The following DGKB variants were observed in gnomAD, a reference collection of about 807,000 sequenced individuals.
DGKB encodes 90 kDa diacylglycerol kinase.
In DGKB, 67 loss-of-function variants were observed where a neutral mutation model predicts 114.3. That is an observed-to-expected ratio of 0.59 (90% CI 0.48 to 0.72). The LOEUF (loss-of-function observed/expected upper bound fraction) is 0.72, where lower values mean the gene tolerates loss of function less well. DGKB is among the 30% of genes least tolerant of loss of function. The pLI is 0.00. For synonymous variants in DGKB, 398 were observed against 323.1 expected, an observed-to-expected ratio of 1.23 and a Z score of -2.49; for missense variants, 907 against 975.2, an observed-to-expected ratio of 0.93 and a Z score of 0.93.
At position 14,228,869 on chromosome 7, in the gene DGKB, G is replaced by C. The variant is rs1166972901; in HGVS notation, c.2123-50718C>G. 4.4e-5 allele frequency among the ~76,000 whole-genome samples: 5 copies of C among 114,672 alleles called. No homozygotes were observed. The South Asian group carries it at 7.9e-4, about 18-fold the overall frequency. The allele number at this position is 114,672 out of a possible 152,430, so 75.2% of individuals were successfully genotyped here. On this transcript the variant is annotated intron_variant, in intron 23 of 25. Transcript: ENST00000402815. ...AGAAGAGTAAAGCTTCAACTACCTA[G>C]CATCAGTTTTTTTTCTGTGTGTGTG...
At chr7:14,399,287 G>T (rs566951841) in intron 21 of DGKB, among the ~76,000 whole-genome samples, 132 of 151,646 alleles carry the variant, frequency 8.7e-4, no homozygotes, top group African/African-American at 2.9e-3. Context: ...TATAATAATG[G>T]TTAAATAGCC....
chr7:14,547,790 A>T (rs113593140), intron 20 of DGKB, among the ~76,000 whole-genome samples: 3,237 of 152,280 alleles, frequency 0.021, 51 homozygotes, highest in Middle Eastern at 0.031. Context: ...GAACATTGAG[A>T]AAGTTCATGT....
chr7:14,155,463 A>T (rs184381837), intron 25 of DGKB, among the ~76,000 whole-genome samples: 86 of 152,210 alleles, frequency 5.7e-4, no homozygotes, highest in African/African-American at 2.0e-3. Flanking sequence ...TGCCATTTAG[A>T]TCATGGTGGA....
At chr7:14,442,600 A>G (rs196761) in intron 21 of DGKB, among the ~76,000 whole-genome samples, 149,993 of 152,290 alleles carry the variant, frequency 0.98, 73,963 homozygotes, top group Non-Finnish European at 1. Context: ...CCCACAAAAT[A>G]AATTGTTTGC....
chr7:14,891,460 T>A (rs549064273), intron 1 of DGKB, among the ~76,000 whole-genome samples: 1 of 151,284 alleles, frequency 6.6e-6, no homozygotes, highest in Non-Finnish European at 1.5e-5. Flanking sequence ...GGAGTGCAAG[T>A]AAAGCGGAAA....
intron 1 of DGKB, among the ~76,000 whole-genome samples, chr7:14,890,591 A>G (rs1347144178): frequency 6.6e-6 from 1 of 151,460 alleles, no homozygotes. Context: ...CATATAGTAA[A>G]TATGGGATGT....
chr7:14,836,991 T>C (rs1450643567), intron 2 of DGKB, among the ~76,000 whole-genome samples: 1 of 152,218 alleles, frequency 6.6e-6, no homozygotes, highest in East Asian at 1.9e-4. Flanking sequence ...AGTAAGATAA[T>C]AATTGTAAAC....
At chr7:14,796,639 C>G (rs1841446884) in intron 2 of DGKB, among the ~76,000 whole-genome samples, 3 of 149,086 alleles carry the variant, frequency 2.0e-5, no homozygotes, top group Admixed American at 2.0e-4. Context: ...ATCATTGTAA[C>G]AGTCTTTGGA....
At chr7:14,596,945 G>A (rs535578341) in intron 17 of DGKB, among the ~76,000 whole-genome samples, 44 of 152,246 alleles carry the variant, frequency 2.9e-4, no homozygotes, top group African/African-American at 9.9e-4. Context: ...CAACCACATT[G>A]CTAAGATCCT....
chr7:14,719,964 C>T (rs923123811), intron 5 of DGKB, among the ~76,000 whole-genome samples: 6 of 152,118 alleles, frequency 3.9e-5, no homozygotes, highest in Admixed American at 1.3e-4. Context: ...TTTAACTTCC[C>T]AGAGTTTCAT....
intron 1 of DGKB, among the ~76,000 whole-genome samples, chr7:14,861,604 C>T (rs1329711972): frequency 2.0e-5 from 3 of 151,944 alleles, no homozygotes; most frequent in Non-Finnish European, 1.5e-5. Context: ...TTGCCTGTCT[C>T]TTAAAGCACT....
At chr7:14,513,999 G>T (rs1045927481) in intron 20 of DGKB, among the ~76,000 whole-genome samples, 1 of 151,752 alleles carries the variant, frequency 6.6e-6, no homozygotes, top group Non-Finnish European at 1.5e-5. Context: ...TTTTTAACAT[G>T]TTACTTTTTT....
At chr7:14,389,490 G>A (rs1820972067) in intron 21 of DGKB, among the ~76,000 whole-genome samples, 1 of 152,200 alleles carries the variant, frequency 6.6e-6, no homozygotes, top group Non-Finnish European at 1.5e-5. Context: ...ACGGCTCACA[G>A]CGAGCCATGG....
At chr7:14,953,456 A>G (rs79741475) in intron 1 of DGKB, among the ~76,000 whole-genome samples, 1,802 of 152,226 alleles carry the variant, frequency 0.012, 25 homozygotes, top group African/African-American at 0.035. Flanking sequence ...ACAATGCTCA[A>G]AATATCTGGT....
intron 1 of DGKB, among the ~76,000 whole-genome samples, chr7:14,936,415 TA>T: frequency 6.6e-6 from 1 of 152,170 alleles, no homozygotes; most frequent in South Asian, 2.1e-4. Context: ...TTTTAGAGAG[TA>T]ATTAAAGACA....
At chr7:14,397,773 T>C (rs1822474127) in intron 21 of DGKB, among the ~76,000 whole-genome samples, 1 of 152,168 alleles carries the variant, frequency 6.6e-6, no homozygotes, top group Admixed American at 6.6e-5. Context: ...AAAAGTGGAT[T>C]GTGCTTGTTA....
intron 13 of DGKB, among the ~76,000 whole-genome samples, chr7:14,652,807 G>GA (rs530382154): frequency 6.6e-6 from 1 of 151,814 alleles, no homozygotes; most frequent in African/African-American, 2.4e-5. Flanking sequence ...AAATTCACAA[G>GA]AAAAAAACAA....
At chr7:14,343,399 C>T (rs1360747535) in intron 22 of DGKB, among the ~76,000 whole-genome samples, 2 of 151,802 alleles carry the variant, frequency 1.3e-5, no homozygotes, top group Non-Finnish European at 2.9e-5. Context: ...AATAGTTTTT[C>T]TGTCAGATCT....
chr7:14,421,020 C>A (rs1313215698), intron 21 of DGKB, among the ~76,000 whole-genome samples: 1 of 152,068 alleles, frequency 6.6e-6, no homozygotes, highest in Admixed American at 6.6e-5. Context: ...CAAGCGTGGG[C>A]CAATCCTTCA....
Sources: allele counts gnomAD v4.1 joint callset (sites outside exome capture counted in the v4.1 genomes callset), GRCh38; gene constraint gnomAD v4.1.1; transcripts MANE v1.5; gene names NCBI Gene and HGNC (gene_info 2026-07-23, HGNC 2026-07-21).